Variants in ZNF280D observed in about 807,000 individuals in gnomAD.
ZNF280D encodes zinc finger protein 280D, also known as suppressor of hairy wing homolog 4.
A neutral mutation model predicts 94.7 loss-of-function variants in ZNF280D; 39 were observed. The observed-to-expected ratio is 0.41, with a 90% CI of 0.32 to 0.54. The LOEUF is 0.54. Among genes scored for constraint, ZNF280D ranks in the 20% least tolerant of loss-of-function variants. The pLI is 0.22. For synonymous variants in ZNF280D, 398 were observed against 377.6 expected, an observed-to-expected ratio of 1.05 and a Z score of -0.63; for missense variants, 1,090 against 1,149.3, an observed-to-expected ratio of 0.95 and a Z score of 0.75.
intron 1 of ZNF280D, among the ~76,000 whole-genome samples, chr15:56,707,737 C>T (rs182800247): frequency 4.6e-5 from 7 of 151,824 alleles, no homozygotes; most frequent in East Asian, 3.9e-4. Flanking sequence ...TTTTATCAAC[C>T]GAAAGGGAAC....
At chr15:56,711,033 C>G (rs1309306965) in intron 1 of ZNF280D, among the ~76,000 whole-genome samples, 2 of 152,198 alleles carry the variant, frequency 1.3e-5, no homozygotes, top group Non-Finnish European at 2.9e-5. Flanking sequence ...CTGAAAGATT[C>G]TGGCTTAATT....
chr15:56,725,274 G>C (rs1256267580), intron 1 of ZNF280D, among the ~76,000 whole-genome samples: 3 of 151,772 alleles, frequency 2.0e-5, no homozygotes, highest in African/African-American at 7.3e-5. Context: ...TCCCAAACCT[G>C]ATCAAAAAAA....
intron 1 of ZNF280D, among the ~76,000 whole-genome samples, chr15:56,727,587 C>G (rs4774891): frequency 1.3e-5 from 2 of 152,080 alleles, no homozygotes; most frequent in South Asian, 2.1e-4. Context: ...AATCCTCATG[C>G]GTAAGTGGCA....
At chr15:56,705,876 C>A (rs1447155207) in intron 3 of ZNF280D, among the ~76,000 whole-genome samples, 4 of 151,336 alleles carry the variant, frequency 2.6e-5, no homozygotes, top group African/African-American at 9.7e-5. Flanking sequence ...ATGGACTAGG[C>A]GAAGTCAGAA....
At position 56,689,026 on chromosome 15, in the gene ZNF280D, T is replaced by A. The variant is rs138164223; in HGVS notation, c.780+15A>T. On this transcript the variant is annotated intron_variant, in intron 9 of 21. Transcript: ENST00000267807. ...GTGCAAACTTTTTACAAATTAAATT[T>A]TGAAAGAGTTTTACCTTCATGTGAT... is the stretch of plus-strand genomic sequence containing the variant. 6.6e-4 allele frequency: 1,022 copies of A among 1,552,118 alleles called. 3 individuals carry two copies. Among genetic ancestry groups the A allele is most frequent in the Admixed American group, 2.8e-3 (150 of 52,632 alleles).
In ZNF280D at chr15:56,654,456, G is replaced by A. The variant is rs1166664196; in HGVS notation, c.2105C>T (p.Ser702Phe). Residue 702 changes from serine to phenylalanine, a missense_variant, in exon 18 of 22, where the codon TCT becomes TTT. Ser to Phe is a radical substitution (Grantham distance 155). Around this residue, in one of 3 missense-constraint regions of ZNF280D, gnomAD observed 577 missense variants for 568.8 expected, o/e 1.01. Coordinates refer to ENST00000267807, the MANE Select transcript of ZNF280D (RefSeq NM_017661.4). ...GTGTGTAGCCATATTATCTAAGCCA[G>A]AAACATCACTTAGGAAATCACAATT... Reference protein sequence around the residue: ...CLNCDFLSDVSGLDNMATHLS... With the variant: ...CLNCDFLSDVFGLDNMATHLS... The A allele has an allele frequency of 2.5e-6, 4 of 1,609,262 alleles. No individual in the cohort carries two copies. Among genetic ancestry groups the A allele is most frequent in the Non-Finnish European group, 3.4e-6 (4 of 1,178,662 alleles).
Position 56,666,777 on chromosome 15 carries a change from A to G in ZNF280D, c.1755T>C (p.Ser585=). Residue 585 remains serine (S), a synonymous_variant, in exon 15 of 22, where the codon TCT becomes TCC. Transcript: ENST00000267807. The stretch of plus-strand genomic sequence containing the variant: ...TATTAGAGATTTTTGGTTTGTATTT[A>G]GATTTACTTCCATTAGGCTTACTTG... The part of the protein sequence containing the change: ...PNTSKPNGSK[S]KYKPKISNMQ... 6.2e-7 allele frequency: 1 copy of G among 1,613,686 alleles called. No homozygotes were observed. The highest frequency in any genetic ancestry group is 1.1e-5 in the South Asian group (1 of 91,080).
intron 20 of ZNF280D, among the ~76,000 whole-genome samples, chr15:56,636,013 T>A (rs1204797432): frequency 6.6e-6 from 1 of 152,194 alleles, no homozygotes; most frequent in East Asian, 1.9e-4. Flanking sequence ...CAAATCTATA[T>A]CTACCTCTTA....
At position 56,689,112 on chromosome 15, in the gene ZNF280D, G is replaced by C; in HGVS notation, c.709C>G (p.Pro237Ala). Reference protein sequence around the residue: ...TSSNQSKNGTPFPRACPKCNI... With the variant: ...TSSNQSKNGTAFPRACPKCNI... ...CACTTTGGACAAGCTCTTGGAAAAG[G>C]TGTTCCATTTTTAGACTGATTTGAT... Residue 237 changes from proline (P) to alanine (A), a missense_variant, in exon 9 of 22, where the codon CCT becomes GCT. Around this residue, in one of 3 missense-constraint regions of ZNF280D, gnomAD observed 386 missense variants for 372.0 expected, o/e 1.04. Coordinates refer to ENST00000267807, the MANE Select transcript of ZNF280D (RefSeq NM_017661.4). The C allele has an allele frequency of 1.9e-6, 3 of 1,610,564 alleles. No individual in the cohort carries two copies. Among genetic ancestry groups the C allele is most frequent in the African/African-American group, 1.3e-5 (1 of 74,892 alleles).
chr15:56,721,321 T>A (rs1225254501), intron 1 of ZNF280D, among the ~76,000 whole-genome samples: 1 of 152,144 alleles, frequency 6.6e-6, no homozygotes, highest in Non-Finnish European at 1.5e-5. Flanking sequence ...GGTAAATGAG[T>A]ACTGGCTTCA....
chr15:56,633,209 T>C (rs2052176958), intron 21 of ZNF280D, among the ~76,000 whole-genome samples: 1 of 152,206 alleles, frequency 6.6e-6, no homozygotes, highest in African/African-American at 2.4e-5. Context: ...CCTAGCAACA[T>C]TTCCAAAAGG....
intron 19 of ZNF280D, among the ~76,000 whole-genome samples, chr15:56,652,099 G>A (rs2053242147): frequency 6.7e-6 from 1 of 150,002 alleles, no homozygotes; most frequent in South Asian, 2.1e-4. Flanking sequence ...CAAACTACTT[G>A]CGGAGATTTT....
chr15:56,671,268 G>C (rs1339285947), intron 13 of ZNF280D, among the ~76,000 whole-genome samples: 3 of 151,994 alleles, frequency 2.0e-5, no homozygotes, highest in African/African-American at 4.8e-5. Context: ...TGTCCTGAAT[G>C]GTATTGCCTA....
At chr15:56,666,556 AT>A in intron 15 of ZNF280D, 21 bp from the exon 16 acceptor site, 1 of 1,560,932 alleles carries the variant, frequency 6.4e-7, no homozygotes, top group Non-Finnish European at 8.6e-7. Flanking sequence ...CATTAAAAAA[AT>A]GATAAAAATA....
chr15:56,637,837 C>T (rs1260288300), intron 20 of ZNF280D, among the ~76,000 whole-genome samples: 1 of 150,362 alleles, frequency 6.7e-6, no homozygotes, highest in African/African-American at 2.4e-5. Flanking sequence ...CACACCGAGA[C>T]AAGTTAAAAA....
At chr15:56,636,529 G>C (rs2052360237) in intron 20 of ZNF280D, among the ~76,000 whole-genome samples, 1 of 148,400 alleles carries the variant, frequency 6.7e-6, no homozygotes, top group Non-Finnish European at 1.5e-5. Context: ...TGTCACCTAG[G>C]ATGGAGTGCA....
Position 56,642,960 on chromosome 15 carries a change from C to A in ZNF280D, c.2251G>T (p.Val751Leu). 6.6e-7 allele frequency: 1 copy of A among 1,506,552 alleles called. No individual in the cohort carries two copies. The highest frequency in any genetic ancestry group is 1.3e-5 in the South Asian group (1 of 74,560). 93.3% of individuals were successfully genotyped at this position (1,506,552 alleles called of 1,614,324 possible). The stretch of plus-strand genomic sequence containing the variant: ...AGTAAAACAAACTTTACCTTAGACA[C>A]AGGTTCTTGTTCCTTTGCGGGAGCT... ...KEAPAKEQEPVSKEIARPNMA... is the reference protein window; with the variant it reads ...KEAPAKEQEPLSKEIARPNMA... Residue 751 changes from valine (V) to leucine (L), a missense_variant, in exon 20 of 22, where the codon GTG becomes TTG. Val to Leu is a conservative substitution (Grantham distance 32). Transcript: ENST00000267807.
chr15:56,702,908 TAAAC>T (rs1473766534), intron 4 of ZNF280D, among the ~76,000 whole-genome samples: 29 of 111,150 alleles, frequency 2.6e-4, no homozygotes, highest in Admixed American at 1.1e-4. Flanking sequence ...CCATGGTAAG[TAAAC>T]ACACACACAC....
intron 9 of ZNF280D, among the ~76,000 whole-genome samples, chr15:56,685,193 A>T (rs1461971237): frequency 1.3e-5 from 2 of 152,170 alleles, no homozygotes; most frequent in African/African-American, 4.8e-5. Context: ...TCACAGAAAG[A>T]TGTTTTCAGA....
Sources: allele counts gnomAD v4.1 joint callset (sites outside exome capture counted in the v4.1 genomes callset), GRCh38; gene constraint gnomAD v4.1.1; regional missense constraint gnomAD v4.1.1; transcripts MANE v1.5; gene names NCBI Gene and HGNC (gene_info 2026-07-23, HGNC 2026-07-21).